FRMD4A: variants seen among roughly 807,000 people sequenced by gnomAD.
FRMD4A encodes the protein FERM domain-containing protein 4A.
Under a neutral mutation model 129.1 loss-of-function variants are expected in FRMD4A, and 29 were observed. That is an observed-to-expected ratio of 0.22 (90% CI 0.17 to 0.31). The LOEUF (loss-of-function observed/expected upper bound fraction) is 0.31, where lower values mean the gene tolerates loss of function less well. Among genes scored for constraint, FRMD4A ranks in the 10% least tolerant of loss-of-function variants. The pLI, the probability that FRMD4A is intolerant of heterozygous loss-of-function variation, is 1.00. For synonymous variants in FRMD4A, 634 were observed against 571.6 expected, an observed-to-expected ratio of 1.11 and a Z score of -1.56; for missense variants, 1,272 against 1,375.8, an observed-to-expected ratio of 0.92 and a Z score of 1.19.
rs572735774 is a variant in FRMD4A, at chr10:14,233,093, T to C, written c.45+96965A>G. On this transcript the variant is annotated intron_variant, in intron 2 of 24. Transcript: ENST00000357447. ...AATCCTCTGAGACTCAGTTTCCTTA[T>C]CTGTAAGATGGGAATAATGTCAACA... 1.3e-3 allele frequency among the ~76,000 whole-genome samples: 203 copies of C among 152,328 alleles called. 1 individual carries two copies. The highest frequency in any genetic ancestry group is 2.6e-3 in the Non-Finnish European group (176 of 68,014).
intron 2 of FRMD4A, among the ~76,000 whole-genome samples, chr10:14,290,394 A>G (rs890888144): frequency 2.6e-5 from 4 of 152,136 alleles, no homozygotes; most frequent in African/African-American, 9.7e-5. Context: ...ATACCAATGG[A>G]ACAGAAAAGA....
chr10:13,878,054 C>A (rs937514601), intron 2 of FRMD4A, among the ~76,000 whole-genome samples: 11 of 152,046 alleles, frequency 7.2e-5, no homozygotes, highest in Non-Finnish European at 4.4e-5. Context: ...TGCAATGGCC[C>A]CGGCAAACGA....
At chr10:13,700,726 G>A (rs190686172) in intron 14 of FRMD4A, among the ~76,000 whole-genome samples, 44 of 151,754 alleles carry the variant, frequency 2.9e-4, no homozygotes, top group Middle Eastern at 3.4e-3. Flanking sequence ...ACGCAGCTGC[G>A]TGCCCAGAGT....
chr10:13,684,585 C>T (rs1209868603), intron 15 of FRMD4A: 63 of 985,276 alleles, frequency 6.4e-5, no homozygotes, highest in Non-Finnish European at 6.9e-5. Context: ...CATTCAGCCG[C>T]GAGCCAGAAA....
At chr10:13,737,613 T>A (rs535468513) in intron 12 of FRMD4A, among the ~76,000 whole-genome samples, 4 of 152,170 alleles carry the variant, frequency 2.6e-5, no homozygotes, top group South Asian at 4.2e-4. Context: ...TCATCTCACC[T>A]TAAGTAATTA....
intron 2 of FRMD4A, among the ~76,000 whole-genome samples, chr10:14,172,228 C>T (rs1006739537): frequency 1.3e-5 from 2 of 152,148 alleles, no homozygotes; most frequent in Admixed American, 6.5e-5. Flanking sequence ...TCCCTTGAAA[C>T]CTAAAAACTG....
At chr10:13,861,837 A>G (rs922723506) in intron 2 of FRMD4A, among the ~76,000 whole-genome samples, 3 of 152,198 alleles carry the variant, frequency 2.0e-5, no homozygotes, top group Non-Finnish European at 4.4e-5. Flanking sequence ...CCTAAGTTCA[A>G]TGAAAGCCAT....
chr10:13,806,158 T>A (rs1434453241), intron 4 of FRMD4A, among the ~76,000 whole-genome samples: 1 of 151,424 alleles, frequency 6.6e-6, no homozygotes, highest in East Asian at 1.9e-4. Context: ...TTTTTTTTTT[T>A]TTGTTTTGTG....
At chr10:13,924,301 A>G (rs1251349414) in intron 2 of FRMD4A, among the ~76,000 whole-genome samples, 2 of 152,182 alleles carry the variant, frequency 1.3e-5, no homozygotes, top group Non-Finnish European at 2.9e-5. Context: ...ATGACTTCTC[A>G]TCTAATTAAG....
intron 2 of FRMD4A, among the ~76,000 whole-genome samples, chr10:13,984,603 G>A (rs910893746): frequency 3.9e-5 from 6 of 152,098 alleles, no homozygotes; most frequent in South Asian, 2.1e-4. Flanking sequence ...ACAATTCTTC[G>A]TAGCTCGTAT....
rs115364539 is a variant in FRMD4A at position 14,202,166 on chromosome 10, G to T, written c.45+127892C>A. Among the ~76,000 whole-genome samples the T allele has an allele frequency of 0.015, 2,269 of 151,390 alleles. 73 individuals carry two copies. In the East Asian group the frequency reaches 0.15, roughly 10 times the overall value. On this transcript the variant is annotated intron_variant, in intron 2 of 24. Coordinates refer to ENST00000357447, the MANE Select transcript of FRMD4A (RefSeq NM_018027.5). ...AAAAAAAAAAAAATTCACGTGGAGA[G>T]CCATTGGATTCTGGTAAACTAAGTC...
intron 2 of FRMD4A, among the ~76,000 whole-genome samples, chr10:13,930,356 G>A (rs2095179354): frequency 6.6e-6 from 1 of 152,190 alleles, no homozygotes; most frequent in African/African-American, 2.4e-5. Context: ...GAGGGCTCCT[G>A]CTACTCTCTG....
chr10:13,659,192 T>C (rs2134664694), intron 21 of FRMD4A, 131 bp downstream of exon 21: 2 of 864,700 alleles, frequency 2.3e-6, no homozygotes, highest in Admixed American at 4.2e-5. Flanking sequence ...TGGTTTTTTA[T>C]TCCGCTTCAT....
intron 2 of FRMD4A, among the ~76,000 whole-genome samples, chr10:14,121,258 C>G (rs1191990024): frequency 6.6e-6 from 1 of 152,166 alleles, no homozygotes; most frequent in African/African-American, 2.4e-5. Context: ...GTCCCAGCTA[C>G]TTGGAAGGCT....
At chr10:14,164,775 A>G (rs1176208560) in intron 2 of FRMD4A, among the ~76,000 whole-genome samples, 4 of 152,206 alleles carry the variant, frequency 2.6e-5, no homozygotes, top group African/African-American at 9.7e-5. Context: ...AAATTCTTAT[A>G]AGGATCAGGT....
At chr10:14,294,925 C>T (rs776920047) in intron 2 of FRMD4A, among the ~76,000 whole-genome samples, 17 of 152,268 alleles carry the variant, frequency 1.1e-4, no homozygotes, top group Non-Finnish European at 1.0e-4. Context: ...TCACATTAAT[C>T]GGCAATCTAT....
At chr10:13,831,283 C>A (rs1238946297) in intron 3 of FRMD4A, among the ~76,000 whole-genome samples, 3 of 152,078 alleles carry the variant, frequency 2.0e-5, no homozygotes, top group African/African-American at 7.2e-5. Context: ...CAAATCCCAG[C>A]CTGAAGATCC....
chr10:13,661,538 C>T (rs1288337143), intron 19 of FRMD4A, among the ~76,000 whole-genome samples: 1 of 152,108 alleles, frequency 6.6e-6, no homozygotes, highest in Non-Finnish European at 1.5e-5. Context: ...CTGATGGGGG[C>T]CTGGAATTCC....
intron 2 of FRMD4A, among the ~76,000 whole-genome samples, chr10:14,160,089 T>A (rs1327133293): frequency 6.6e-6 from 1 of 152,036 alleles, no homozygotes; most frequent in Non-Finnish European, 1.5e-5. Context: ...GATCTAAACA[T>A]CATGATATTG....
Sources: gnomAD v4.1 joint callset for allele counts (sites outside exome capture counted in the v4.1 genomes callset) on GRCh38, gnomAD v4.1.1 for gene constraint, MANE v1.5 for transcripts, NCBI Gene and HGNC (gene_info 2026-07-23, HGNC 2026-07-21) for gene names.